The following HLCS variants were observed in gnomAD, a reference collection of about 807,000 sequenced individuals.
The protein encoded by HLCS is holocarboxylase synthetase.
In HLCS, 53 loss-of-function variants were observed where a neutral mutation model predicts 75.0. That is an observed-to-expected ratio of 0.71 (90% confidence interval 0.57 to 0.89). The LOEUF (loss-of-function observed/expected upper bound fraction) is 0.89, where lower values mean the gene tolerates loss of function less well. HLCS is among the 40% of genes least tolerant of loss of function. The probability of loss-of-function intolerance (pLI) is 0.00; values close to 1 mark genes in which losing one functional copy is unlikely to be tolerated. For synonymous variants in HLCS, 431 were observed against 428.6 expected, an observed-to-expected ratio of 1.01 and a Z score of -0.07; for missense variants, 966 against 1,074.0, an observed-to-expected ratio of 0.90 and a Z score of 1.41.
chr21:36,896,533 A>G, intron 6 of HLCS: 1 of 387,678 alleles, frequency 2.6e-6, no homozygotes, highest in Non-Finnish European at 4.9e-6. Flanking sequence ...CAAAAGAAGA[A>G]TGATAACCTG....
intron 5 of HLCS, among the ~76,000 whole-genome samples, chr21:36,923,539 A>G (rs753767145): frequency 6.6e-5 from 10 of 152,212 alleles, no homozygotes; most frequent in Non-Finnish European, 1.3e-4. Context: ...AGAAGCCAGA[A>G]TCATCACAAA....
rs2060928093 is a variant in HLCS, at chr21:36,793,301, T to TTTTTTTTTTTTTTTTTTTG, written c.1893-26017_1893-26016insCAAAAAAAAAAAAAAAAAA. Among the ~76,000 whole-genome samples the TTTTTTTTTTTTTTTTTTTG allele has an allele frequency of 1.4e-5, 2 of 146,968 alleles. 1 individual carries two copies. The highest frequency in any genetic ancestry group is 3.0e-5 in the Non-Finnish European group (2 of 66,204). ...CGGGACAGCAGGAAGCAGTCTTTTT[T>TTTTTTTTTTTTTTTTTTTG]TTTTTTTTTTTTGAGATAGAGTCTC... On this transcript the variant is annotated intron_variant, in intron 6 of 10. Transcript: ENST00000674895.
At chr21:36,904,020 G>C (rs1417931542) in intron 5 of HLCS, among the ~76,000 whole-genome samples, 1 of 151,938 alleles carries the variant, frequency 6.6e-6, no homozygotes, top group African/African-American at 2.4e-5. Context: ...CAGCAAGAAG[G>C]CCCTCACTAG....
chr21:36,923,679 G>C lies in HLCS; in HGVS notation c.1620+6572C>G, dbSNP rs182883397. ...TGTGGAAACAAGATTCAAGTAAAAA[G>C]ACAGGACACACAGTAGCTGAAAAGC... On this transcript the variant is annotated intron_variant, in intron 5 of 10. Transcript: ENST00000674895. 1.6e-3 allele frequency among the ~76,000 whole-genome samples: 240 copies of C among 152,308 alleles called. 2 individuals carry two copies. The highest frequency in any genetic ancestry group is 5.5e-3 in the African/African-American group (228 of 41,570).
intron 1 of HLCS, among the ~76,000 whole-genome samples, chr21:36,978,290 G>A (rs2068999364): frequency 6.6e-6 from 1 of 152,106 alleles, no homozygotes; most frequent in Admixed American, 6.6e-5. Flanking sequence ...GAGGTCAGGA[G>A]TTCGAGACCA....
rs371787880 is a variant in HLCS at position 36,897,126 on chromosome 21, G to C, written c.1626C>G (p.Ile542Met). The change falls in exon 6 of 11, where the codon ATC becomes ATG. Residue 542 changes from isoleucine (I) to methionine (M), a missense_variant. Ile to Met is a conservative substitution (Grantham distance 10, BLOSUM62 1). Transcript: ENST00000674895. Reference sequence around the variant, plus strand: ...CAAGCCACTGCATAAGAGGATCCCTGATTTCCTGTGTCATAAAGAAAGAAA... The same window carrying C: ...CAAGCCACTGCATAAGAGGATCCCTCATTTCCTGTGTCATAAAGAAAGAAA... ...PLYLLSAAEE[I>M]RDPLMQWLGK... The C allele has an allele frequency of 1.2e-5, 20 of 1,614,062 alleles. No homozygotes were observed. The highest frequency in any genetic ancestry group is 1.5e-5 in the Non-Finnish European group (18 of 1,179,992).
chr21:36,906,027 G>C (rs1249515498), intron 5 of HLCS, among the ~76,000 whole-genome samples: 1 of 129,254 alleles, frequency 7.7e-6, no homozygotes, highest in Non-Finnish European at 1.6e-5. Context: ...TCCAGGCTGG[G>C]CAACAGAGTG....
chr21:36,974,746 G>T (rs2068891593), intron 1 of HLCS: 1 of 152,122 alleles, frequency 6.6e-6, no homozygotes, highest in East Asian at 1.9e-4. Flanking sequence ...AAGGACAAAG[G>T]GAGAAGACAG....
At chr21:36,973,211 CAGAG>C (rs2068840286) in intron 1 of HLCS, among the ~76,000 whole-genome samples, 1 of 136,600 alleles carries the variant, frequency 7.3e-6, no homozygotes, top group African/African-American at 2.8e-5. Context: ...GCCTCAGCGA[CAGAG>C]AAAGACCCTG....
chr21:36,775,958 T>A (rs1020284889), intron 6 of HLCS, among the ~76,000 whole-genome samples: 1 of 152,174 alleles, frequency 6.6e-6, no homozygotes, highest in Admixed American at 6.5e-5. Context: ...AGGTTCGTGA[T>A]CTCATCCAAG....
At chr21:36,767,868 G>GT (rs761368063) in intron 6 of HLCS, among the ~76,000 whole-genome samples, 18 of 152,168 alleles carry the variant, frequency 1.2e-4, no homozygotes, top group Non-Finnish European at 2.2e-4. Flanking sequence ...ACTCTGCATC[G>GT]TTTTCGGCTT....
chr21:36,797,390 ATTT>A (rs1163698838), intron 6 of HLCS, among the ~76,000 whole-genome samples: 1 of 151,672 alleles, frequency 6.6e-6, no homozygotes, highest in Non-Finnish European at 1.5e-5. Context: ...AATAATATTT[ATTT>A]TTTATTAACA....
chr21:36,947,427 C>A (rs2067457030), intron 2 of HLCS: 4 of 985,358 alleles, frequency 4.1e-6, no homozygotes, highest in Non-Finnish European at 4.8e-6. Context: ...CAAAGCAGAA[C>A]CGCGCTGTCA....
At chr21:36,822,970 T>C (rs2061892047) in intron 6 of HLCS, among the ~76,000 whole-genome samples, 2 of 152,240 alleles carry the variant, frequency 1.3e-5, no homozygotes, top group African/African-American at 4.8e-5. Flanking sequence ...AAATTACCTG[T>C]TATATTGATT....
At chr21:36,886,776 C>G (rs2064486079) in intron 6 of HLCS, among the ~76,000 whole-genome samples, 2 of 152,162 alleles carry the variant, frequency 1.3e-5, no homozygotes, top group South Asian at 4.1e-4. Flanking sequence ...TAATGCCCTT[C>G]TATCTGAGGA....
intron 5 of HLCS, among the ~76,000 whole-genome samples, chr21:36,910,814 C>G (rs1242277617): frequency 6.6e-6 from 1 of 152,158 alleles, no homozygotes; most frequent in African/African-American, 2.4e-5. Context: ...CTGACCTGTC[C>G]AGGTTCCACG....
chr21:36,756,647 T>C lies in HLCS; in HGVS notation c.2345A>G (p.Tyr782Cys), dbSNP rs200453837. Residue 782 changes from tyrosine (Y) to cysteine (C), a missense_variant, in exon 10 of 11, where the codon TAT (tyrosine) becomes TGT (cysteine). Coordinates refer to ENST00000674895, the MANE Select transcript of HLCS (RefSeq NM_001352514.2). ...CACAGTCACGACTCTGGCGATGAGA[T>C]AATCGGCTCTTAAGGGCTTCAGTTC... ...KAELKPLRAD[Y>C]LIARVVTVLE... is the part of the protein sequence containing the mutation. 36 of 1,614,158 alleles carry C rather than the reference T, an allele frequency of 2.2e-5. No individual in the cohort carries two copies. The African/African-American group carries it at 3.9e-4, about 17-fold the overall frequency.
In HLCS at chr21:36,759,833, G is replaced by A. The variant is rs748819971; in HGVS notation, c.2130C>T (p.Asn710=). The part of the protein sequence containing the change: ...VRSIPEYQDI[N]LRVKWPNDIY... Reference sequence around the variant, plus strand: ...TATCGTTGGGCCACTTCACTCGTAAGTTGATATCCTAAAGGGAAATCTGCA... The same window carrying A: ...TATCGTTGGGCCACTTCACTCGTAAATTGATATCCTAAAGGGAAATCTGCA... Residue 710 remains asparagine (N), a synonymous_variant, in exon 9 of 11, where the codon AAC becomes AAT. Transcript: ENST00000674895. 4.4e-6 allele frequency: 7 copies of A among 1,602,210 alleles called. No individual in the cohort carries two copies. In the African/African-American group the frequency reaches 6.7e-5, roughly 15 times the overall value.
At chr21:36,961,717 G>T (rs572210143) in intron 2 of HLCS, among the ~76,000 whole-genome samples, 1 of 152,238 alleles carries the variant, frequency 6.6e-6, no homozygotes, top group African/African-American at 2.4e-5. Context: ...ACTTTGGGAG[G>T]CCGAGGCAGG....
Sources: gnomAD v4.1 joint callset for allele counts (sites outside exome capture counted in the v4.1 genomes callset) on GRCh38, gnomAD v4.1.1 for gene constraint, MANE v1.5 for transcripts, NCBI Gene and HGNC (gene_info 2026-07-23, HGNC 2026-07-21) for gene names.